RFX2: variants seen among roughly 807,000 people sequenced by gnomAD.
RFX2 encodes the protein DNA-binding protein RFX2.
RFX2 carries 20 observed loss-of-function variants against 87.8 expected under a neutral mutation model. That is an observed-to-expected ratio of 0.23 (90% CI 0.16 to 0.33). The LOEUF (loss-of-function observed/expected upper bound fraction) is 0.33. RFX2 is among the 10% of genes least tolerant of loss of function. RFX2 has a pLI of 1.00. For synonymous variants in RFX2, 397 were observed against 431.3 expected (o/e 0.92, Z 0.98); for missense variants, 767 against 1,012.3 (o/e 0.76, Z 3.29).
chr19:6,108,470 A>T (rs187619200), intron 1 of RFX2, among the ~76,000 whole-genome samples: 11 of 152,236 alleles, frequency 7.2e-5, no homozygotes, highest in East Asian at 3.9e-4. Flanking sequence ...ACAGGCAAAA[A>T]TTTTTTTAAA....
chr19:6,013,011 G>C lies in RFX2; in HGVS notation c.874C>G (p.Gln292Glu). Residue 292 changes from glutamine to glutamate, a missense_variant, in exon 8 of 18, where the codon CAG (glutamine) becomes GAG (glutamate). This residue lies in a region of RFX2 where 621 missense variants were observed against 873.0 expected (regional missense o/e 0.71). Transcript: ENST00000303657. This position sits in a 1 kb window ranked among gnomAD's most constrained non-coding sequence, Gnocchi z 4.1. The stretch of plus-strand genomic sequence containing the variant: ...CTGGGCTTCTGGTGCATGGGCTGCT[G>C]CCGCATGGCCATGTACTGCGTGTCC... ...QEDTQYMAMR[Q>E]QPMHQKPRYR... 6.3e-7 allele frequency: 1 copy of C among 1,578,340 alleles called. No homozygotes were observed. The highest frequency in any genetic ancestry group is 8.6e-7 in the Non-Finnish European group (1 of 1,161,952).
chr19:6,037,789 T>C (rs2087044477), intron 5 of RFX2, among the ~76,000 whole-genome samples: 2 of 152,212 alleles, frequency 1.3e-5, no homozygotes, highest in Admixed American at 1.3e-4. Flanking sequence ...AAGACTATGC[T>C]ACTTGTAAAG....
chr19:6,004,321 T>C lies in RFX2; in HGVS notation c.1403-23A>G. 1.3e-6 allele frequency: 2 copies of C among 1,587,798 alleles called. No individual in the cohort carries two copies. Among genetic ancestry groups the C allele is most frequent in the Non-Finnish European group, 1.7e-6 (2 of 1,156,236 alleles). On this transcript the variant is annotated intron_variant, in intron 12 of 17. Coordinates refer to ENST00000303657, the MANE Select transcript of RFX2 (RefSeq NM_000635.4). The surrounding 1 kb of genome is among the most constrained non-coding windows in gnomAD (Gnocchi z 4.8). ...TACCTGGGGGATACAGACCATGATA[T>C]TACCAGGGAGAAAGGCAGTGACTGG...
rs966868863 is a variant in RFX2, at chr19:6,002,499, G to T, written c.1650+222C>A. On this transcript the variant is annotated intron_variant, in intron 14 of 17. Coordinates refer to ENST00000303657, the MANE Select transcript of RFX2 (RefSeq NM_000635.4). This position sits in a 1 kb window ranked among gnomAD's most constrained non-coding sequence, Gnocchi z 6.7. ...CTTTGTGAGGAAAATGAGCAGAAGT[G>T]TTGGCCACAGCGCCTGGACGCCAGA... Among the ~76,000 whole-genome samples the T allele has an allele frequency of 1.3e-5, 2 of 152,216 alleles. No homozygotes were observed. Among genetic ancestry groups the T allele is most frequent in the Non-Finnish European group, 2.9e-5 (2 of 68,038 alleles).
Position 6,004,407 on chromosome 19 carries a change from G to A in RFX2, c.1403-109C>T, listed in dbSNP as rs1412956795. 5 of 905,096 alleles carry A rather than the reference G, an allele frequency of 5.5e-6. No homozygotes were observed. The highest frequency in any genetic ancestry group is 3.3e-5 in the African/African-American group (2 of 61,412). 56.1% of individuals were successfully genotyped at this position (905,096 alleles called of 1,614,324 possible). On this transcript the variant is annotated intron_variant, in intron 12 of 17. Transcript: ENST00000303657. This position sits in a 1 kb window ranked among gnomAD's most constrained non-coding sequence, Gnocchi z 4.8. ...CAAGTGCGATGAAAATGACCACCAT[G>A]AAGAACGAGCCACACAGGCGACGGG...
In RFX2 at chr19:6,041,904, T is replaced by C. The variant is rs189854816; in HGVS notation, c.260+140A>G. 4.1e-4 allele frequency: 298 copies of C among 735,426 alleles called. 1 individual carries two copies. In the African/African-American group the frequency reaches 4.5e-3, roughly 11 times the overall value. The allele number at this position is 735,426 out of a possible 1,614,324, so 45.6% of individuals were successfully genotyped here. A position where few individuals can be genotyped will look rare whatever the true frequency, so the allele number is the denominator to read the frequency against. On this transcript the variant is annotated intron_variant, in intron 4 of 17. Transcript: ENST00000303657. ...TTTTTTGTAGAGATATTGCCCAGTT[T>C]CCTAATAGCATTTTAACAGTATTTA...
At chr19:6,106,798 ATATATT>A (rs2088223957) in intron 1 of RFX2, among the ~76,000 whole-genome samples, 1 of 148,346 alleles carries the variant, frequency 6.7e-6, no homozygotes, top group Non-Finnish European at 1.5e-5. Flanking sequence ...TATATTTAAC[ATATATT>A]TATATTTAAA....
At position 6,040,025 on chromosome 19, in the gene RFX2, G is replaced by A; in HGVS notation, c.477C>T (p.Ser159=). The change falls in exon 5 of 18, where the codon AGC becomes AGT. Residue 159 remains serine, a synonymous_variant. Coordinates refer to ENST00000303657, the MANE Select transcript of RFX2 (RefSeq NM_000635.4). This position sits in a 1 kb window ranked among gnomAD's most constrained non-coding sequence, Gnocchi z 6.1. ...GAYLIHGGMD[S]TRHSLAHTSR... is the part of the protein sequence containing the mutation. Reference sequence around the variant, plus strand: ...AGGTGTGGGCCAGGGAGTGTCTGGTGCTGTCCATCCCCCCGTGGATGAGAT... The same window carrying A: ...AGGTGTGGGCCAGGGAGTGTCTGGTACTGTCCATCCCCCCGTGGATGAGAT... The A allele has an allele frequency of 1.4e-5, 22 of 1,607,068 alleles. No homozygotes were observed. The highest frequency in any genetic ancestry group is 1.9e-5 in the Non-Finnish European group (22 of 1,177,214).
chr19:6,038,328 GAA>G (rs55857624), intron 5 of RFX2, among the ~76,000 whole-genome samples: 1,235 of 61,058 alleles, frequency 0.02, 7 homozygotes, highest in African/African-American at 0.08. Context: ...CTCCGTCTCA[GAA>G]AAAAAAAAAA....
Position 6,045,381 on chromosome 19 carries a change from CAG to C in RFX2, c.91-1101_91-1100del, listed in dbSNP as rs1216801445. Among the ~76,000 whole-genome samples, 1 of 152,154 alleles carries C rather than the reference CAG, an allele frequency of 6.6e-6. No homozygotes were observed. The highest frequency in any genetic ancestry group is 6.5e-5 in the Admixed American group (1 of 15,280). On this transcript the variant is annotated intron_variant, in intron 2 of 17. Transcript: ENST00000303657. This position sits in a 1 kb window ranked among gnomAD's most constrained non-coding sequence, Gnocchi z 5.2. ...CCATGGTGGCTGCTGCAGAGGAAGG[CAG>C]AGTCCACCTAGGCCTGGGAGAGCCT... is the stretch of plus-strand genomic sequence containing the variant.
chr19:6,050,649 A>G lies in RFX2; in HGVS notation c.-8-3145T>C, dbSNP rs943252549. Among the ~76,000 whole-genome samples, 17 of 152,212 alleles carry G rather than the reference A, an allele frequency of 1.1e-4. No homozygotes were observed. Among genetic ancestry groups the G allele is most frequent in the African/African-American group, 4.1e-4 (17 of 41,458 alleles). On this transcript the variant is annotated intron_variant, in intron 1 of 17. Coordinates refer to ENST00000303657, the MANE Select transcript of RFX2 (RefSeq NM_000635.4). The surrounding 1 kb of genome is among the most constrained non-coding windows in gnomAD (Gnocchi z 4.6). ...ACAATAGATAAAAAGCATTTACCCA[A>G]TCTGAAGAATGAAGAGAAAATATAT...
rs1030650611 is a variant in RFX2 at position 6,004,121 on chromosome 19, A to G, written c.1500+80T>C. ...AGGGAAGAAGCCAGCGCTCTCTGGG[A>G]CACAGTGGTCCTCATGCTGTCCTGG... On this transcript the variant is annotated intron_variant, in intron 13 of 17. Coordinates refer to ENST00000303657, the MANE Select transcript of RFX2 (RefSeq NM_000635.4). This position sits in a 1 kb window ranked among gnomAD's most constrained non-coding sequence, Gnocchi z 4.8. 1.2e-5 allele frequency: 13 copies of G among 1,075,866 alleles called. No individual in the cohort carries two copies. The Admixed American group carries it at 2.0e-4, about 17-fold the overall frequency. 66.6% of individuals were successfully genotyped at this position (1,075,866 alleles called of 1,614,324 possible). A position where few individuals can be genotyped will look rare whatever the true frequency, so the allele number is the denominator to read the frequency against.
At position 6,013,491 on chromosome 19, in the gene RFX2, TC is replaced by T. The variant is rs1421147035; in HGVS notation, c.780-387del. 7.4e-6 allele frequency among the ~76,000 whole-genome samples: 1 copy of T among 134,782 alleles called. No homozygotes were observed. The highest frequency in any genetic ancestry group is 1.5e-5 in the Non-Finnish European group (1 of 67,366). The allele number at this position is 134,782 out of a possible 152,430, so 88.4% of individuals were successfully genotyped here. A position where few individuals can be genotyped will look rare whatever the true frequency, so the allele number is the denominator to read the frequency against. On this transcript the variant is annotated intron_variant, in intron 7 of 17. Transcript: ENST00000303657. This position sits in a 1 kb window ranked among gnomAD's most constrained non-coding sequence, Gnocchi z 4.1. ...GTGAGCCACTGCGCCTGGCCTCTTC[TC>T]TCTTTTTTTTTTTTTTCAGAAACAG...
Position 6,011,379 on chromosome 19 carries a change from G to A in RFX2, c.900-1128C>T, listed in dbSNP as rs116414903. 0.019 allele frequency among the ~76,000 whole-genome samples: 2,845 copies of A among 152,172 alleles called. 92 individuals carry two copies. The highest frequency in any genetic ancestry group is 0.065 in the African/African-American group (2,712 of 41,502). On this transcript the variant is annotated intron_variant, in intron 8 of 17. Coordinates refer to ENST00000303657, the MANE Select transcript of RFX2 (RefSeq NM_000635.4). The surrounding 1 kb of genome is among the most constrained non-coding windows in gnomAD (Gnocchi z 4.8). Reference sequence around the variant, plus strand: ...CGGCTTGAGCTGGAGCATCTCCAGCGGACCTCCCTCCTCAAATACGAAGCG... The same window carrying A: ...CGGCTTGAGCTGGAGCATCTCCAGCAGACCTCCCTCCTCAAATACGAAGCG...
intron 1 of RFX2, among the ~76,000 whole-genome samples, chr19:6,085,813 T>C (rs770517751): frequency 6.6e-6 from 1 of 152,118 alleles, no homozygotes; most frequent in Admixed American, 6.5e-5. Context: ...AAGTCCTGGC[T>C]GGGCACAGTG....
Position 6,047,552 on chromosome 19 carries a change from G to T in RFX2, c.-8-48C>A. ...TGGGTGGGCAAGGGCTGCAAGCACT[G>T]AAATCCGAAGAGGCAACTAACAAGT... On this transcript the variant is annotated intron_variant, in intron 1 of 17. Coordinates refer to ENST00000303657, the MANE Select transcript of RFX2 (RefSeq NM_000635.4). The surrounding 1 kb of genome is among the most constrained non-coding windows in gnomAD (Gnocchi z 4.2). The T allele has an allele frequency of 6.9e-7, 1 of 1,450,618 alleles. No homozygotes were observed. Among genetic ancestry groups the T allele is most frequent in the Non-Finnish European group, 9.5e-7 (1 of 1,052,400 alleles). 89.9% of individuals were successfully genotyped at this position (1,450,618 alleles called of 1,614,324 possible).
At chr19:6,108,733 T>A (rs896708085) in intron 1 of RFX2, among the ~76,000 whole-genome samples, 3 of 152,110 alleles carry the variant, frequency 2.0e-5, no homozygotes, top group Admixed American at 6.5e-5. Flanking sequence ...CAGCCAGCCC[T>A]GGGTCCCGAG....
intron 7 of RFX2, among the ~76,000 whole-genome samples, chr19:6,014,537 C>A (rs2144705829): frequency 6.6e-6 from 1 of 152,300 alleles, no homozygotes; most frequent in East Asian, 1.9e-4. Flanking sequence ...CCATGCCCGG[C>A]CCTTCTTTTC....
At chr19:6,034,837 G>A (rs1454938964) in intron 5 of RFX2, among the ~76,000 whole-genome samples, 5 of 152,208 alleles carry the variant, frequency 3.3e-5, no homozygotes, top group Non-Finnish European at 5.9e-5. Flanking sequence ...TCTGAGGGCT[G>A]CCTGACTGGA....
Sources: gnomAD v4.1 joint callset for allele counts (sites outside exome capture counted in the v4.1 genomes callset) on GRCh38, gnomAD v4.1.1 for gene constraint, gnomAD v4.1.1 regional missense constraint, Gnocchi (gnomAD v3.1) non-coding constraint, MANE v1.5 for transcripts, NCBI Gene and HGNC (gene_info 2026-07-23, HGNC 2026-07-21) for gene names.